Variants in SLC1A1 observed in about 807,000 individuals in gnomAD.
SLC1A1 encodes the protein excitatory amino acid transporter 3.
SLC1A1 carries 43 observed loss-of-function variants against 53.3 expected under a neutral mutation model. The ratio of observed to expected loss-of-function variants is 0.81; its 90% CI spans 0.63 to 1.04. SLC1A1 has a LOEUF of 1.04. SLC1A1 is among the 50% of genes least tolerant of loss of function. The pLI is 0.00. For synonymous variants in SLC1A1, 307 were observed against 243.2 expected (o/e 1.26, Z -2.44); for missense variants, 748 against 664.9 (o/e 1.12, Z -1.37).
At chr9:4,559,612 G>C (rs542426652) in intron 2 of SLC1A1, among the ~76,000 whole-genome samples, 1 of 152,248 alleles carries the variant, frequency 6.6e-6, no homozygotes, top group South Asian at 2.1e-4. Flanking sequence ...CATGCTGATA[G>C]CCATACAGGT....
At position 4,537,749 on chromosome 9, in the gene SLC1A1, G is replaced by A. The variant is rs116701724; in HGVS notation, c.92-6818G>A. Among the ~76,000 whole-genome samples, 755 of 152,218 alleles carry A rather than the reference G, an allele frequency of 5.0e-3. 5 individuals carry two copies. Among genetic ancestry groups the A allele is most frequent in the African/African-American group, 0.017 (698 of 41,532 alleles). On this transcript the variant is annotated intron_variant, in intron 1 of 11. Transcript: ENST00000262352. ...TCCATAGAGACAGAAAAGTAGATTA[G>A]TGGTTACCAGGAGCCCTTGGGGGTA...
intron 10 of SLC1A1, among the ~76,000 whole-genome samples, chr9:4,582,243 C>T (rs1821165542): frequency 6.6e-6 from 1 of 152,196 alleles, no homozygotes; most frequent in Non-Finnish European, 1.5e-5. Flanking sequence ...CTGATCTTAC[C>T]AAGAGGGATC....
rs1226077794 is a variant in SLC1A1, at chr9:4,537,560, C to T, written c.92-7007C>T. ...CGGCCTGGGCGACAGAGCGAGACTC[C>T]GTCTCAAAAAAATAAAATAAAATAA... On this transcript the variant is annotated intron_variant, in intron 1 of 11. Transcript: ENST00000262352. 6.6e-4 allele frequency among the ~76,000 whole-genome samples: 24 copies of T among 36,282 alleles called. 8 individuals are homozygous for T. Among genetic ancestry groups the T allele is most frequent in the Non-Finnish European group, 1.1e-3 (17 of 14,802 alleles). The allele number at this position is 36,282 out of a possible 152,430, so 23.8% of individuals were successfully genotyped here. A position where few individuals can be genotyped will look rare whatever the true frequency, so the allele number is the denominator to read the frequency against.
At chr9:4,531,593 G>C (rs1816472172) in intron 1 of SLC1A1, among the ~76,000 whole-genome samples, 1 of 152,186 alleles carries the variant, frequency 6.6e-6, no homozygotes, top group Admixed American at 6.5e-5. Context: ...TGCCCCTCAA[G>C]GAGGCCTGCC....
At chr9:4,577,718 G>A (rs1474433927) in intron 10 of SLC1A1, among the ~76,000 whole-genome samples, 2 of 152,138 alleles carry the variant, frequency 1.3e-5, no homozygotes, top group Non-Finnish European at 2.9e-5. Context: ...CAGGTGATTT[G>A]CCCACCTCAG....
chr9:4,535,868 C>T (rs146602120), intron 1 of SLC1A1, among the ~76,000 whole-genome samples: 176 of 151,260 alleles, frequency 1.2e-3, no homozygotes, highest in African/African-American at 3.9e-3. Context: ...GAGATATAGA[C>T]CAATGGAAAG....
intron 1 of SLC1A1, among the ~76,000 whole-genome samples, chr9:4,527,565 A>C (rs181255505): frequency 3.7e-4 from 56 of 152,290 alleles, no homozygotes; most frequent in Admixed American, 1.5e-3. Context: ...CCATTCTGCT[A>C]TACCTTCTCT....
intron 1 of SLC1A1, among the ~76,000 whole-genome samples, chr9:4,518,757 G>T (rs1815955196): frequency 6.6e-6 from 1 of 152,202 alleles, no homozygotes; most frequent in Non-Finnish European, 1.5e-5. Flanking sequence ...TTTCAGCACT[G>T]ATGGCTCCAC....
At chr9:4,500,455 C>T (rs1820594173) in intron 1 of SLC1A1, among the ~76,000 whole-genome samples, 1 of 152,110 alleles carries the variant, frequency 6.6e-6, no homozygotes, top group African/African-American at 2.4e-5. Flanking sequence ...GTACAGGTGC[C>T]TGCCACCACA....
intron 1 of SLC1A1, among the ~76,000 whole-genome samples, chr9:4,531,124 C>T (rs1358936733): frequency 6.6e-6 from 1 of 152,146 alleles, no homozygotes; most frequent in Non-Finnish European, 1.5e-5. Context: ...CAGCTCCCAG[C>T]GTGAGTGACT....
chr9:4,490,642 C>T lies in SLC1A1; in HGVS notation c.-38C>T. Reference sequence around the variant, plus strand: ...GTCCCCGGGTCGCCCAGCCCACGCGCGCACGGCCGAGCCCAGCGCACAATA... The same window carrying T: ...GTCCCCGGGTCGCCCAGCCCACGCGTGCACGGCCGAGCCCAGCGCACAATA... On this transcript the variant is annotated 5_prime_UTR_variant, in exon 1 of 12. Coordinates refer to ENST00000262352, the MANE Select transcript of SLC1A1 (RefSeq NM_004170.6). The T allele has an allele frequency of 6.3e-7, 1 of 1,580,784 alleles. No homozygotes were observed.
chr9:4,542,424 C>G (rs1817097954), intron 1 of SLC1A1, among the ~76,000 whole-genome samples: 2 of 152,076 alleles, frequency 1.3e-5, no homozygotes, highest in African/African-American at 4.8e-5. Context: ...TCTAATGACC[C>G]TACATTAATT....
rs1179168929 is a variant in SLC1A1 at position 4,587,449 on chromosome 9, A to G, written c.*1891A>G. The G allele has an allele frequency of 2.6e-5, 4 of 152,178 alleles. No homozygotes were observed. Among genetic ancestry groups the G allele is most frequent in the African/African-American group, 9.7e-5 (4 of 41,424 alleles). 9.4% of individuals were successfully genotyped at this position (152,178 alleles called of 1,614,324 possible). ...AAGAGTGTTCCATTTCAGTCTCAAT[A>G]AACACTTCCCTCATTCTTTCCCCCT... On this transcript the variant is annotated 3_prime_UTR_variant, in exon 12 of 12. Transcript: ENST00000262352.
At position 4,583,074 on chromosome 9, in the gene SLC1A1, C is replaced by A. The variant is rs568302878; in HGVS notation, c.1230C>A (p.Gly410=). ...TATSASIGAA[G]VPQAGLVTMV... ...CATCTGCCAGCATCGGAGCTGCTGG[C>A]GTGCCCCAGGCTGGCCTGGTGACCA... Residue 410 remains glycine, a synonymous_variant, in exon 11 of 12, where the codon GGC becomes GGA. Coordinates refer to ENST00000262352, the MANE Select transcript of SLC1A1 (RefSeq NM_004170.6). This position sits in a 1 kb window ranked among gnomAD's most constrained non-coding sequence, Gnocchi z 4.6. 3.1e-6 allele frequency: 5 copies of A among 1,614,214 alleles called. No homozygotes were observed. The African/African-American group carries it at 4.0e-5, about 13-fold the overall frequency.
intron 1 of SLC1A1, among the ~76,000 whole-genome samples, chr9:4,517,467 C>T (rs1466653638): frequency 6.6e-6 from 1 of 152,168 alleles, no homozygotes; most frequent in Non-Finnish European, 1.5e-5. Flanking sequence ...AGAAGTCATC[C>T]AGAAAACATT....
chr9:4,528,047 G>T (rs1450990645), intron 1 of SLC1A1, among the ~76,000 whole-genome samples: 1 of 152,086 alleles, frequency 6.6e-6, no homozygotes, highest in Non-Finnish European at 1.5e-5. Flanking sequence ...TTTTAGTAAA[G>T]TCTCATTTAA....
chr9:4,536,641 C>T (rs1169238874), intron 1 of SLC1A1, among the ~76,000 whole-genome samples: 1 of 152,198 alleles, frequency 6.6e-6, no homozygotes, highest in East Asian at 1.9e-4. Flanking sequence ...GTGGCGATTC[C>T]TCAGGGATCT....
intron 1 of SLC1A1, among the ~76,000 whole-genome samples, chr9:4,533,569 C>T (rs1816558535): frequency 6.6e-6 from 1 of 152,108 alleles, no homozygotes; most frequent in Middle Eastern, 3.2e-3. Context: ...TAAAGCAAAT[C>T]CTTAGAGACC....
Position 4,585,782 on chromosome 9 carries a change from T to C in SLC1A1, c.*224T>C. 1.8e-6 allele frequency: 1 copy of C among 569,628 alleles called. No individual in the cohort carries two copies. The highest frequency in any genetic ancestry group is 2.1e-5 in the South Asian group (1 of 48,548). The allele number at this position is 569,628 out of a possible 1,614,324, so 35.3% of individuals were successfully genotyped here. ...GGGAAATCAATTTAAAGGAAAGTTC[T>C]ATTATCTGGGTTTTAGAAATTCTAT... On this transcript the variant is annotated 3_prime_UTR_variant, in exon 12 of 12. Transcript: ENST00000262352.
Sources: gnomAD v4.1 joint callset for allele counts (sites outside exome capture counted in the v4.1 genomes callset) on GRCh38, gnomAD v4.1.1 for gene constraint, Gnocchi (gnomAD v3.1) non-coding constraint, MANE v1.5 for transcripts, NCBI Gene and HGNC (gene_info 2026-07-23, HGNC 2026-07-21) for gene names.